The following ZNF613 variants were observed in gnomAD, a reference collection of about 807,000 sequenced individuals.
ZNF613 encodes zinc finger protein 613.
ZNF613 carries 8 observed loss-of-function variants against 14.3 expected under a neutral mutation model. The ratio of observed to expected loss-of-function variants is 0.56; its 90% CI spans 0.33 to 1.01. The LOEUF is 1.01. Among genes scored for constraint, ZNF613 ranks in the 50% least tolerant of loss-of-function variants. ZNF613 has a pLI of 0.03. For missense variants in ZNF613, 656 were observed against 741.9 expected (o/e 0.88, Z 1.35); for synonymous variants, 228 against 254.5 (o/e 0.90, Z 0.99).
rs1362770159 is a variant in ZNF613 at position 51,945,923 on chromosome 19, G to A, written c.*186G>A. On this transcript the variant is annotated 3_prime_UTR_variant, in exon 6 of 6. Transcript: ENST00000293471. ...TGGAGACTGGGAAATTCTTTTATGG[G>A]AAGATAGATCTTCTCATCAGTGACC... 1.4e-5 allele frequency: 9 copies of A among 624,840 alleles called. No homozygotes were observed. The African/African-American group carries it at 1.5e-4, about 10-fold the overall frequency. 38.7% of individuals were successfully genotyped at this position (624,840 alleles called of 1,614,324 possible). A position where few individuals can be genotyped will look rare whatever the true frequency, so the allele number is the denominator to read the frequency against.
In ZNF613 at chr19:51,944,169, T is replaced by C; in HGVS notation, c.286T>C (p.Cys96Arg). 1 of 1,568,338 alleles carries C rather than the reference T, an allele frequency of 6.4e-7. No homozygotes were observed. Among genetic ancestry groups the C allele is most frequent in the Non-Finnish European group, 8.6e-7 (1 of 1,157,380 alleles). The change falls in exon 6 of 6, where the codon TGT (cysteine) becomes CGT (arginine). Residue 96 changes from cysteine (C) to arginine (R), a missense_variant. By Grantham distance (180) the Cys-to-Arg change is radical (BLOSUM62 -3). Transcript: ENST00000293471. ...HLQMHSQKQR[C>R]LKRVEQCHKH... ...ACAGATGCACTCACAAAAGCAAAGA[T>C]GTCTGAAGAGAGTGGAACAATGCCA...
Position 51,944,808 on chromosome 19 carries a change from G to T in ZNF613, c.925G>T (p.Val309Phe). The change falls in exon 6 of 6, where the codon GTT (valine) becomes TTT (phenylalanine). Residue 309 changes from valine (V) to phenylalanine (F), a missense_variant. Physicochemically the swap from Val to Phe is conservative, Grantham distance 50. Transcript: ENST00000293471. The part of the protein sequence containing the change: ...KKSRLINHQR[V>F]HTGEKPHGCS... ...GTCTCGGCTCATTAATCATCAGAGA[G>T]TTCATACAGGAGAGAAACCACATGG... 6.2e-7 allele frequency: 1 copy of T among 1,611,298 alleles called. No homozygotes were observed. Among genetic ancestry groups the T allele is most frequent in the Non-Finnish European group, 8.5e-7 (1 of 1,179,348 alleles).
At chr19:51,935,989 C>A (rs1409483352) in intron 2 of ZNF613, 39 bp from the exon 3 acceptor site, 7 of 425,094 alleles carry the variant, frequency 1.6e-5, no homozygotes, top group Non-Finnish European at 2.9e-5. Context: ...AGCACCTGGG[C>A]CTGCAGGGAA....
At position 51,945,018 on chromosome 19, in the gene ZNF613, A is replaced by G; in HGVS notation, c.1135A>G (p.Lys379Glu). 1.2e-6 allele frequency: 2 copies of G among 1,614,246 alleles called. No homozygotes were observed. Among genetic ancestry groups the G allele is most frequent in the Non-Finnish European group, 1.7e-6 (2 of 1,180,038 alleles). The change falls in exon 6 of 6, where the codon AAA becomes GAA. Residue 379 changes from lysine (K) to glutamate (E), a missense_variant. By Grantham distance (56) the Lys-to-Glu change is moderately conservative. Transcript: ENST00000293471. ...GTCATATATATGCCGTGATTGTGGAAAAGGCTTCATTCAGAAGGGAAATCT... is the reference window on the plus strand; with the variant it reads ...GTCATATATATGCCGTGATTGTGGAGAAGGCTTCATTCAGAAGGGAAATCT... ...EKSYICRDCGKGFIQKGNLIV... is the reference protein window; with the variant it reads ...EKSYICRDCGEGFIQKGNLIV...
chr19:51,931,586 A>G (rs924576718), intron 2 of ZNF613, among the ~76,000 whole-genome samples: 13 of 152,200 alleles, frequency 8.5e-5, no homozygotes, highest in African/African-American at 2.7e-4. Flanking sequence ...GTACTTTTAT[A>G]GTTTCATAGA....
chr19:51,944,913 T>C lies in ZNF613; in HGVS notation c.1030T>C (p.Tyr344His), dbSNP rs1239718841. Reference sequence around the variant, plus strand: ...GAGAACTCATACAGGAGAGAAACCCTATGAATGCACTGAATGTGACAAAGC... The same window carrying C: ...GAGAACTCATACAGGAGAGAAACCCCATGAATGCACTGAATGTGACAAAGC... Reference protein sequence around the residue: ...HQRTHTGEKPYECTECDKAFR... With the variant: ...HQRTHTGEKPHECTECDKAFR... Residue 344 changes from tyrosine (Y) to histidine (H), a missense_variant, in exon 6 of 6, where the codon TAT becomes CAT. Tyr to His is a moderately conservative substitution (Grantham distance 83). Coordinates refer to ENST00000293471, the MANE Select transcript of ZNF613 (RefSeq NM_001031721.4). The C allele has an allele frequency of 3.7e-6, 6 of 1,613,548 alleles. No homozygotes were observed. Among genetic ancestry groups the C allele is most frequent in the South Asian group, 1.1e-5 (1 of 91,072 alleles).
chr19:51,935,544 G>T (rs190567365), intron 2 of ZNF613, among the ~76,000 whole-genome samples: 3 of 152,316 alleles, frequency 2.0e-5, no homozygotes, highest in Admixed American at 1.3e-4. Context: ...AACGCAGAAG[G>T]TAGTAATGAG....
chr19:51,938,521 T>A (rs909538907), intron 3 of ZNF613, among the ~76,000 whole-genome samples: 5 of 152,076 alleles, frequency 3.3e-5, no homozygotes, highest in African/African-American at 1.2e-4. Context: ...AACAGGTGGC[T>A]GACTTACTGT....
intron 5 of ZNF613, 90 bp downstream of exon 5, chr19:51,940,799 G>C: frequency 9.4e-7 from 1 of 1,066,218 alleles, no homozygotes; most frequent in South Asian, 1.7e-5. Context: ...GGGCATCTGA[G>C]GCTGTGTGGA....
At chr19:51,942,050 A>G (rs1374805678) in intron 5 of ZNF613, among the ~76,000 whole-genome samples, 5 of 152,248 alleles carry the variant, frequency 3.3e-5, no homozygotes, top group Non-Finnish European at 7.3e-5. Context: ...TAGCAGTCAT[A>G]TAAGATGGAA....
intron 4 of ZNF613, 81 bp downstream of exon 4, chr19:51,940,416 G>T: frequency 2.5e-6 from 4 of 1,606,710 alleles, no homozygotes; most frequent in Non-Finnish European, 3.4e-6. Context: ...GCTCTGGAGG[G>T]CCTGTGGTGC....
chr19:51,938,082 T>G (rs1429313244), intron 3 of ZNF613, among the ~76,000 whole-genome samples: 4 of 151,168 alleles, frequency 2.6e-5, no homozygotes, highest in Non-Finnish European at 4.4e-5. Context: ...AAAGCACAGG[T>G]CCTCAGAGAC....
chr19:51,940,348 G>T lies in ZNF613; in HGVS notation c.142+13G>T. The stretch of plus-strand genomic sequence containing the variant: ...CTCGTGTCAGTGGGTGAGGACAGCT[G>T]CCCTGTGTCACTCAGAGAGTACCCA... On this transcript the variant is annotated intron_variant, in intron 4 of 5. Coordinates refer to ENST00000293471, the MANE Select transcript of ZNF613 (RefSeq NM_001031721.4). The T allele has an allele frequency of 6.2e-7, 1 of 1,612,998 alleles. No homozygotes were observed. Among genetic ancestry groups the T allele is most frequent in the Non-Finnish European group, 8.5e-7 (1 of 1,179,316 alleles).
chr19:51,934,102 C>A (rs1221866734), intron 2 of ZNF613, among the ~76,000 whole-genome samples: 1 of 152,210 alleles, frequency 6.6e-6, no homozygotes, highest in Non-Finnish European at 1.5e-5. Flanking sequence ...CATGCCCGGC[C>A]AGTCACCTTT....
intron 2 of ZNF613, among the ~76,000 whole-genome samples, chr19:51,934,470 T>C (rs1333453997): frequency 6.6e-6 from 1 of 152,226 alleles, no homozygotes; most frequent in East Asian, 1.9e-4. Flanking sequence ...CATGTTTTAT[T>C]AAATGTGTAC....
In ZNF613 at chr19:51,945,869, G is replaced by A. The variant is rs2122830065; in HGVS notation, c.*132G>A. On this transcript the variant is annotated 3_prime_UTR_variant, in exon 6 of 6. Coordinates refer to ENST00000293471, the MANE Select transcript of ZNF613 (RefSeq NM_001031721.4). ...TTGAATAAAACCTTATGGCTAATAA[G>A]CATATACTCAGAGAAAAATAGTATG... 1.0e-6 allele frequency: 1 copy of A among 953,940 alleles called. No individual in the cohort carries two copies. The highest frequency in any genetic ancestry group is 2.6e-5 in the East Asian group (1 of 38,722). The allele number at this position is 953,940 out of a possible 1,614,324, so 59.1% of individuals were successfully genotyped here.
intron 3 of ZNF613, among the ~76,000 whole-genome samples, chr19:51,938,640 G>A (rs2085322740): frequency 6.6e-6 from 1 of 151,000 alleles, no homozygotes; most frequent in African/African-American, 2.4e-5. Context: ...GTAAGATTGT[G>A]CACATTCTTT....
rs1397654537 is a variant in ZNF613, at chr19:51,944,463, C to T, written c.580C>T (p.His194Tyr). The change falls in exon 6 of 6, where the codon CAT (histidine) becomes TAT (tyrosine). Residue 194 changes from histidine to tyrosine, a missense_variant. Physicochemically the swap from His to Tyr is moderately conservative, Grantham distance 83. Coordinates refer to ENST00000293471, the MANE Select transcript of ZNF613 (RefSeq NM_001031721.4). The part of the protein sequence containing the change: ...SVNTNSQFIK[H>Y]QRTQNIDKPH... Reference sequence around the variant, plus strand: ...GAATACAAATTCACAATTCATTAAGCATCAGCGAACTCAAAACATAGATAA... The same window carrying T: ...GAATACAAATTCACAATTCATTAAGTATCAGCGAACTCAAAACATAGATAA... 6.2e-7 allele frequency: 1 copy of T among 1,603,026 alleles called. No homozygotes were observed. The highest frequency in any genetic ancestry group is 1.3e-5 in the African/African-American group (1 of 74,758).
At position 51,944,312 on chromosome 19, in the gene ZNF613, C is replaced by A. The variant is rs370541673; in HGVS notation, c.429C>A (p.Val143=). ...TACTGAAATCAAATTTAAGTTTAGT[C>A]AACCAGAACAAAAGGTATGAAATCA... is the stretch of plus-strand genomic sequence containing the variant. ...GKILKSNLSL[V]NQNKRYEIKN... is the part of the protein sequence containing the mutation. The change falls in exon 6 of 6, where the codon GTC becomes GTA. Residue 143 remains valine (V), a synonymous_variant. Coordinates refer to ENST00000293471, the MANE Select transcript of ZNF613 (RefSeq NM_001031721.4). The A allele has an allele frequency of 1.0e-5, 16 of 1,593,506 alleles. No homozygotes were observed. The highest frequency in any genetic ancestry group is 1.2e-5 in the Non-Finnish European group (14 of 1,166,892).
Sources: gnomAD v4.1 joint callset for allele counts (sites outside exome capture counted in the v4.1 genomes callset) on GRCh38, gnomAD v4.1.1 for gene constraint, MANE v1.5 for transcripts, NCBI Gene and HGNC (gene_info 2026-07-23, HGNC 2026-07-21) for gene names.